PI4K2B: variants seen among roughly 807,000 people sequenced by gnomAD.
PI4K2B encodes the protein phosphatidylinositol 4-kinase type 2 beta.
In PI4K2B, 46 loss-of-function variants were observed where a neutral mutation model predicts 56.6. The ratio of observed to expected loss-of-function variants is 0.81; its 90% CI spans 0.64 to 1.04. The LOEUF (loss-of-function observed/expected upper bound fraction) is 1.04. Ranked by LOEUF, PI4K2B falls within the 50% of genes least tolerant of loss-of-function variation. The pLI is 0.00. For synonymous variants in PI4K2B, 211 were observed against 223.8 expected, an observed-to-expected ratio of 0.94 and a Z score of 0.51; for missense variants, 556 against 607.7, an observed-to-expected ratio of 0.91 and a Z score of 0.89.
intron 4 of PI4K2B, among the ~76,000 whole-genome samples, chr4:25,258,671 G>A (rs898093398): frequency 7.9e-5 from 12 of 152,066 alleles, no homozygotes; most frequent in African/African-American, 2.4e-4. Flanking sequence ...AAGCAGGATA[G>A]GTTTAAAATT....
chr4:25,256,425 C>A (rs1347045154), intron 3 of PI4K2B, 118 bp from the exon 4 acceptor site: 3 of 892,572 alleles, frequency 3.4e-6, no homozygotes, highest in Non-Finnish European at 5.1e-6. Flanking sequence ...TTCTCTGGGG[C>A]CTTTATTACA....
chr4:25,257,669 C>T (rs1452795766), intron 4 of PI4K2B, among the ~76,000 whole-genome samples: 2 of 152,168 alleles, frequency 1.3e-5, no homozygotes, highest in Non-Finnish European at 2.9e-5. Context: ...GATTTTCTTG[C>T]TTCCCTACAT....
chr4:25,275,647 A>G (rs1717065325), intron 9 of PI4K2B, among the ~76,000 whole-genome samples: 1 of 152,140 alleles, frequency 6.6e-6, no homozygotes. Context: ...TGACAGAGCA[A>G]GACCCTGTCT....
intron 9 of PI4K2B, among the ~76,000 whole-genome samples, chr4:25,272,229 A>G (rs1054667669): frequency 6.6e-6 from 1 of 152,040 alleles, no homozygotes; most frequent in Non-Finnish European, 1.5e-5. Context: ...GCTGTCTCCT[A>G]TTTTAGGTTT....
intron 5 of PI4K2B, among the ~76,000 whole-genome samples, chr4:25,259,715 AT>A (rs1000929175): frequency 2.0e-5 from 3 of 151,476 alleles, no homozygotes; most frequent in African/African-American, 7.3e-5. Flanking sequence ...AAAAAAAAGT[AT>A]AAAAAAAAAA....
chr4:25,265,045 A>G (rs1716613300), intron 7 of PI4K2B, among the ~76,000 whole-genome samples: 1 of 151,868 alleles, frequency 6.6e-6, no homozygotes, highest in South Asian at 2.1e-4. Context: ...AAAATACAAA[A>G]TTAGCCGGGT....
At chr4:25,247,295 G>A (rs1001528472) in intron 1 of PI4K2B, among the ~76,000 whole-genome samples, 3 of 152,380 alleles carry the variant, frequency 2.0e-5, no homozygotes, top group East Asian at 1.9e-4. Context: ...TTGAAAGTCC[G>A]TGAGTGGCGG....
chr4:25,266,546 CT>C (rs1716669168), intron 7 of PI4K2B, among the ~76,000 whole-genome samples: 1 of 151,962 alleles, frequency 6.6e-6, no homozygotes, highest in Admixed American at 6.5e-5. Context: ...CTTGTCCTGT[CT>C]TTTATTGAAC....
At chr4:25,249,680 C>T (rs1577683148) in intron 1 of PI4K2B, among the ~76,000 whole-genome samples, 1 of 150,904 alleles carries the variant, frequency 6.6e-6, no homozygotes, top group African/African-American at 2.4e-5. Flanking sequence ...AGGGCAGACA[C>T]TCCTGGGTTC....
rs888587962 is a variant in PI4K2B at position 25,277,384 on chromosome 4, A to G, written c.*197A>G. On this transcript the variant is annotated 3_prime_UTR_variant, in exon 10 of 10. Coordinates refer to ENST00000264864, the MANE Select transcript of PI4K2B (RefSeq NM_018323.4). ...ATTTCTATTTCAGGGAAGAAGTGCT[A>G]TATCTCCTATATTGTATTTTTGTAG... 1.9e-5 allele frequency: 9 copies of G among 463,206 alleles called. No homozygotes were observed. The South Asian group carries it at 2.9e-4, about 15-fold the overall frequency. The allele number at this position is 463,206 out of a possible 1,614,324, so 28.7% of individuals were successfully genotyped here.
rs1717127850 is a variant in PI4K2B at position 25,277,033 on chromosome 4, C to A, written c.1292C>A (p.Ala431Glu). The change falls in exon 10 of 10, where the codon GCA (alanine) becomes GAA (glutamate). Residue 431 changes from alanine to glutamate, a missense_variant. Coordinates refer to ENST00000264864, the MANE Select transcript of PI4K2B (RefSeq NM_018323.4). Reference sequence around the variant, plus strand: ...CCACAGATCTTAAACCTTACTCAGGCATTGAGAGACGGGAAGAGTCCTTTC... The same window carrying A: ...CCACAGATCTTAAACCTTACTCAGGAATTGAGAGACGGGAAGAGTCCTTTC... ...MRGQILNLTQ[A>E]LRDGKSPFQL... The A allele has an allele frequency of 6.3e-7, 1 of 1,597,332 alleles. No individual in the cohort carries two copies. The highest frequency in any genetic ancestry group is 8.6e-7 in the Non-Finnish European group (1 of 1,168,084).
chr4:25,268,701 C>A, intron 8 of PI4K2B, 125 bp downstream of exon 8: 1 of 625,468 alleles, frequency 1.6e-6, no homozygotes, highest in Non-Finnish European at 2.7e-6. Context: ...CCTGACAGGA[C>A]AGAGAGGAAT....
Position 25,278,545 on chromosome 4 carries a change from G to A in PI4K2B, c.*1358G>A, listed in dbSNP as rs951211350. Reference sequence around the variant, plus strand: ...CCTTTTTCCCTTATATCTTCCTTTTGGTCTTCATGGACGAGATGAATGAGG... The same window carrying A: ...CCTTTTTCCCTTATATCTTCCTTTTAGTCTTCATGGACGAGATGAATGAGG... On this transcript the variant is annotated 3_prime_UTR_variant, in exon 10 of 10. Transcript: ENST00000264864. 6.6e-6 allele frequency: 1 copy of A among 152,508 alleles called. No homozygotes were observed. Among genetic ancestry groups the A allele is most frequent in the South Asian group, 2.1e-4 (1 of 4,830 alleles). The allele number at this position is 152,508 out of a possible 1,614,324, so 9.4% of individuals were successfully genotyped here. A position where few individuals can be genotyped will look rare whatever the true frequency, so the allele number is the denominator to read the frequency against.
At chr4:25,254,395 T>TA in intron 2 of PI4K2B, 1 of 873,536 alleles carries the variant, frequency 1.1e-6, no homozygotes, top group Non-Finnish European at 1.4e-6. Context: ...TTGAAACATT[T>TA]AAAAATCAGT....
chr4:25,244,946 C>T (rs534599172), intron 1 of PI4K2B, among the ~76,000 whole-genome samples: 72 of 152,282 alleles, frequency 4.7e-4, no homozygotes, highest in Non-Finnish European at 7.4e-4. Context: ...TACCCCTGTC[C>T]TATAAAGATG....
intron 1 of PI4K2B, among the ~76,000 whole-genome samples, chr4:25,238,745 C>G (rs1003047970): frequency 6.6e-6 from 1 of 152,074 alleles, no homozygotes; most frequent in African/African-American, 2.4e-5. Flanking sequence ...TGTTACAGCT[C>G]ATAAAGGCAG....
At position 25,260,607 on chromosome 4, in the gene PI4K2B, A is replaced by ATT. The variant is rs771540491; in HGVS notation, c.978+19_978+20dup. 8.5e-6 allele frequency: 4 copies of ATT among 471,466 alleles called. No individual in the cohort carries two copies. The highest frequency in any genetic ancestry group is 3.6e-5 in the South Asian group (1 of 27,760). The allele number at this position is 471,466 out of a possible 1,614,324, so 29.2% of individuals were successfully genotyped here. A position where few individuals can be genotyped will look rare whatever the true frequency, so the allele number is the denominator to read the frequency against. Reference sequence around the variant, plus strand: ...TGACCATAAGGTAAGGAAATTTACAATTTTATATATATATATATATATATA... The same window carrying ATT: ...TGACCATAAGGTAAGGAAATTTACAATTTTTTATATATATATATATATATATA... On this transcript the variant is annotated intron_variant, in intron 6 of 9. Coordinates refer to ENST00000264864, the MANE Select transcript of PI4K2B (RefSeq NM_018323.4).
chr4:25,258,212 C>T (rs1716322576), intron 4 of PI4K2B, among the ~76,000 whole-genome samples: 2 of 71,696 alleles, frequency 2.8e-5, no homozygotes, highest in Admixed American at 1.3e-4. Flanking sequence ...AGGAATCTGT[C>T]CTTTTTTTTT....
intron 9 of PI4K2B, among the ~76,000 whole-genome samples, chr4:25,273,677 G>A (rs547329963): frequency 1.3e-5 from 2 of 152,274 alleles, no homozygotes; most frequent in East Asian, 3.9e-4. Flanking sequence ...CTCTCCTCTG[G>A]ATTTACCGAC....
Sources: gnomAD v4.1 joint callset for allele counts (sites outside exome capture counted in the v4.1 genomes callset) on GRCh38, gnomAD v4.1.1 for gene constraint, MANE v1.5 for transcripts, NCBI Gene and HGNC (gene_info 2026-07-23, HGNC 2026-07-21) for gene names.